Variants in FAM228B observed in about 807,000 individuals in gnomAD.
FAM228B encodes family with sequence similarity 228 member B.
A neutral mutation model predicts 42.6 loss-of-function variants in FAM228B; 38 were observed. The observed-to-expected ratio is 0.89, with a 90% CI of 0.69 to 1.17. The LOEUF (loss-of-function observed/expected upper bound fraction) is 1.17. Among genes scored for constraint, FAM228B ranks in the 50% most tolerant of loss-of-function variants. FAM228B has a pLI of 0.00. For synonymous variants in FAM228B, 109 were observed against 122.3 expected (o/e 0.89, Z 0.72); for missense variants, 344 against 367.3 (o/e 0.94, Z 0.52).
intron 8 of FAM228B, among the ~76,000 whole-genome samples, chr2:24,163,791 A>C (rs541182487): frequency 6.6e-6 from 1 of 152,314 alleles, no homozygotes; most frequent in East Asian, 1.9e-4. Context: ...CTAGAGGCTT[A>C]AGTCTAGGCT....
chr2:24,141,284 C>G (rs532747860), intron 5 of FAM228B, among the ~76,000 whole-genome samples: 121 of 152,246 alleles, frequency 7.9e-4, no homozygotes, highest in African/African-American at 2.8e-3. Context: ...TGCTCTGTCA[C>G]CCAGGTTGGA....
At chr2:24,116,014 T>C (rs890598688) in intron 3 of FAM228B, among the ~76,000 whole-genome samples, 3 of 151,928 alleles carry the variant, frequency 2.0e-5, no homozygotes, top group Admixed American at 6.6e-5. Context: ...CTCTCCTATA[T>C]GTATTCTATG....
At chr2:24,143,130 A>T (rs1327320983) in intron 5 of FAM228B, among the ~76,000 whole-genome samples, 4 of 152,166 alleles carry the variant, frequency 2.6e-5, no homozygotes, top group African/African-American at 9.7e-5. Context: ...CGATGATCTA[A>T]AAAGGCTGTT....
chr2:24,139,567 A>T, intron 5 of FAM228B, 117 bp downstream of exon 5: 2 of 501,684 alleles, frequency 4.0e-6, no homozygotes, highest in Middle Eastern at 3.1e-4. Context: ...TTTTAAGCAT[A>T]GTTTCCCATC....
At chr2:24,145,114 C>T (rs1347144591) in intron 5 of FAM228B, among the ~76,000 whole-genome samples, 4 of 152,188 alleles carry the variant, frequency 2.6e-5, no homozygotes, top group Admixed American at 1.3e-4. Context: ...ACCTGCCCAT[C>T]CACCTGGCCG....
At chr2:24,144,634 G>A (rs747738289) in intron 5 of FAM228B, among the ~76,000 whole-genome samples, 4 of 152,146 alleles carry the variant, frequency 2.6e-5, no homozygotes, top group Non-Finnish European at 4.4e-5. Context: ...GGGGCTGCCC[G>A]GAGATGGAGA....
chr2:24,132,041 G>T (rs1005094312), intron 2 of FAM228B, among the ~76,000 whole-genome samples: 9 of 152,084 alleles, frequency 5.9e-5, no homozygotes, highest in African/African-American at 2.2e-4. Context: ...TAACATGAAG[G>T]GATGTTGAAT....
intron 1 of FAM228B, chr2:24,079,672 C>A: frequency 6.3e-7 from 1 of 1,599,254 alleles, no homozygotes; most frequent in Non-Finnish European, 8.6e-7. Context: ...TGATGCTAGT[C>A]AGCTTGGTGC....
chr2:24,114,524 G>C (rs1042690157), intron 3 of FAM228B, among the ~76,000 whole-genome samples: 2 of 151,916 alleles, frequency 1.3e-5, no homozygotes, highest in African/African-American at 4.8e-5. Context: ...GAGGGATCTA[G>C]AGAACAGTGT....
chr2:24,144,961 G>A (rs1353815142), intron 5 of FAM228B, among the ~76,000 whole-genome samples: 2 of 152,166 alleles, frequency 1.3e-5, no homozygotes. Context: ...TCCTGCACGC[G>A]CCAACTGGTG....
chr2:24,085,668 C>T (rs1665220969), intron 2 of FAM228B: 1 of 152,148 alleles, frequency 6.6e-6, no homozygotes. Context: ...AATTTTCCAT[C>T]CACTGACCCC....
In FAM228B at chr2:24,077,481, G is replaced by T. The variant is rs1664799823; in HGVS notation, c.-290+512G>T. ...CATATCAGCTTTAAACGGCTCTGGA[G>T]GAAGCACCGGGTTTCTTGGCCTGTC... On this transcript the variant is annotated intron_variant, in intron 1 of 10. Coordinates refer to the FAM228B transcript ENST00000613899. This position sits in a 1 kb window ranked among gnomAD's most constrained non-coding sequence, Gnocchi z 5.5. The T allele has an allele frequency of 7.3e-7, 1 of 1,378,448 alleles. No homozygotes were observed. The highest frequency in any genetic ancestry group is 2.7e-5 in the Admixed American group (1 of 36,656). 85.4% of individuals were successfully genotyped at this position (1,378,448 alleles called of 1,614,324 possible).
At chr2:24,123,821 A>G (rs577490214) in intron 1 of FAM228B, among the ~76,000 whole-genome samples, 2 of 152,092 alleles carry the variant, frequency 1.3e-5, no homozygotes, top group African/African-American at 4.8e-5. Context: ...AGTGGGCGCG[A>G]TGAGCGAGAG....
intron 5 of FAM228B, among the ~76,000 whole-genome samples, chr2:24,144,312 C>T (rs1161626692): frequency 6.6e-6 from 1 of 152,020 alleles, no homozygotes; most frequent in Non-Finnish European, 1.5e-5. Flanking sequence ...TGGCGCACAC[C>T]TGTGGTCCCA....
chr2:24,160,782 GTGCAAGA>G (rs1343592024), intron 7 of FAM228B, among the ~76,000 whole-genome samples: 1 of 152,162 alleles, frequency 6.6e-6, no homozygotes, highest in Non-Finnish European at 1.5e-5. Context: ...CCTTGCATGG[GTGCAAGA>G]TTGGAGGACT....
intron 7 of FAM228B, among the ~76,000 whole-genome samples, chr2:24,154,036 G>A (rs1220040415): frequency 9.2e-5 from 14 of 152,196 alleles, no homozygotes. Flanking sequence ...CTCCCCAAAT[G>A]TACAAACTCT....
chr2:24,169,413 A>G lies in FAM228B; in HGVS notation c.*72A>G, dbSNP rs891012575. The G allele has an allele frequency of 2.2e-6, 1 of 456,664 alleles. No individual in the cohort carries two copies. The highest frequency in any genetic ancestry group is 2.0e-5 in the African/African-American group (1 of 50,028). The allele number at this position is 456,664 out of a possible 1,614,324, so 28.3% of individuals were successfully genotyped here. A position where few individuals can be genotyped will look rare whatever the true frequency, so the allele number is the denominator to read the frequency against. On this transcript the variant is annotated 3_prime_UTR_variant, in exon 11 of 11. Transcript: ENST00000615575. This position sits in a 1 kb window ranked among gnomAD's most constrained non-coding sequence, Gnocchi z 4.2. ...CTTGATTGGTGAAAGGATACACAAA[A>G]TCAGGCTGCTTCAGAGGAAGTCATC... is the stretch of plus-strand genomic sequence containing the variant.
At position 24,084,560 on chromosome 2, in the gene FAM228B, A is replaced by G. The variant is rs1052196998; in HGVS notation, c.-210+3605A>G. Reference sequence around the variant, plus strand: ...GCCTGGGAAGTCCTCGGCCGCCTCCAGACCGATCCCACCCGGAACACAGAT... The same window carrying G: ...GCCTGGGAAGTCCTCGGCCGCCTCCGGACCGATCCCACCCGGAACACAGAT... On this transcript the variant is annotated intron_variant, in intron 2 of 10. Transcript: ENST00000613899. This position sits in a 1 kb window ranked among gnomAD's most constrained non-coding sequence, Gnocchi z 8.4. 4.6e-5 allele frequency: 23 copies of G among 501,492 alleles called. No homozygotes were observed. The African/African-American group carries it at 4.7e-4, about 10-fold the overall frequency. The allele number at this position is 501,492 out of a possible 1,614,324, so 31.1% of individuals were successfully genotyped here.
chr2:24,157,263 A>C (rs1478736861), intron 7 of FAM228B, among the ~76,000 whole-genome samples: 1 of 152,136 alleles, frequency 6.6e-6, no homozygotes, highest in Non-Finnish European at 1.5e-5. Context: ...TATCTTGGAG[A>C]ACATTTTATG....
Sources: allele counts gnomAD v4.1 joint callset (sites outside exome capture counted in the v4.1 genomes callset), GRCh38; gene constraint gnomAD v4.1.1; non-coding constraint Gnocchi (gnomAD v3.1); transcripts MANE v1.5; gene names NCBI Gene and HGNC (gene_info 2026-07-23, HGNC 2026-07-21).